The following CCDC33 variants were observed in gnomAD, a reference collection of about 807,000 sequenced individuals.
CCDC33 encodes coiled-coil domain containing 33, also known as coiled-coil domain-containing protein 33.
In CCDC33, 94 loss-of-function variants were observed where a neutral mutation model predicts 91.9. The ratio of observed to expected loss-of-function variants is 1.02; its 90% CI spans 0.87 to 1.21. The LOEUF is 1.21. Ranked by LOEUF, CCDC33 falls within the 50% of genes most tolerant of loss-of-function variation. The probability of loss-of-function intolerance (pLI) is 0.00; values close to 1 mark genes in which losing one functional copy is unlikely to be tolerated. For synonymous variants in CCDC33, 396 were observed against 374.5 expected (o/e 1.06, Z -0.66); for missense variants, 940 against 935.5 (o/e 1.00, Z -0.06).
intron 2 of CCDC33, among the ~76,000 whole-genome samples, chr15:74,223,891 C>A (rs989694904): frequency 6.6e-6 from 1 of 151,390 alleles, no homozygotes; most frequent in Non-Finnish European, 1.5e-5. Context: ...TGAGTAAACA[C>A]GATCATGGGG....
chr15:74,230,831 A>G (rs2074948049), intron 2 of CCDC33, among the ~76,000 whole-genome samples: 1 of 152,182 alleles, frequency 6.6e-6, no homozygotes, highest in Non-Finnish European at 1.5e-5. Flanking sequence ...CAGATGAGGA[A>G]TGGGAGGCTC....
At chr15:74,305,993 C>T (rs189901238) in intron 11 of CCDC33, among the ~76,000 whole-genome samples, 1 of 152,296 alleles carries the variant, frequency 6.6e-6, no homozygotes, top group African/African-American at 2.4e-5. Flanking sequence ...GCACTGGAAA[C>T]TGTAAAGGGC....
intron 1 of CCDC33, chr15:74,209,257 C>T: frequency 8.4e-7 from 1 of 1,189,906 alleles, no homozygotes. Context: ...ACTTGATCTC[C>T]TTGGCCCTCA....
chr15:74,298,135 T>C (rs1347025819), intron 11 of CCDC33, among the ~76,000 whole-genome samples: 2 of 152,172 alleles, frequency 1.3e-5, no homozygotes, highest in Admixed American at 6.5e-5. Flanking sequence ...GGTCATTAGG[T>C]CTGAGAGTCT....
At chr15:74,289,810 C>A (rs2059552197) in intron 10 of CCDC33, among the ~76,000 whole-genome samples, 1 of 152,196 alleles carries the variant, frequency 6.6e-6, no homozygotes, top group Non-Finnish European at 1.5e-5. Context: ...AAATGCCTCA[C>A]CAACCACAGA....
chr15:74,215,885 AAAAAG>A (rs1222693481), upstream of CCDC33, among the ~76,000 whole-genome samples: 5 of 147,424 alleles, frequency 3.4e-5, no homozygotes, highest in African/African-American at 7.8e-5. Flanking sequence ...AAAAAAAAAA[AAAAAG>A]AAAGAAAGAA....
intron 11 of CCDC33, among the ~76,000 whole-genome samples, chr15:74,321,848 T>G (rs1205884833): frequency 6.6e-6 from 1 of 152,080 alleles, no homozygotes; most frequent in Non-Finnish European, 1.5e-5. Context: ...CCTGAGTAAG[T>G]CAGGGAGGCA....
intron 1 of CCDC33, 139 bp from the exon 2 acceptor site, chr15:74,243,846 G>A (rs1189309994): frequency 7.7e-6 from 7 of 904,460 alleles, no homozygotes; most frequent in Admixed American, 1.9e-5. Flanking sequence ...TGTGGAGGCT[G>A]AGGCAGGAGA....
At chr15:74,328,729 A>G (rs1406316915) in intron 11 of CCDC33, among the ~76,000 whole-genome samples, 1 of 152,194 alleles carries the variant, frequency 6.6e-6, no homozygotes, top group Non-Finnish European at 1.5e-5. Context: ...CCTGCTCTCG[A>G]AGCCATGGCC....
intron 5 of CCDC33, among the ~76,000 whole-genome samples, chr15:74,269,342 C>G (rs2076253858): frequency 1.3e-5 from 2 of 152,176 alleles, no homozygotes; most frequent in Non-Finnish European, 2.9e-5. Flanking sequence ...GTGGGCCTGG[C>G]AGGGAAGGAA....
intron 3 of CCDC33, among the ~76,000 whole-genome samples, chr15:74,264,586 T>C (rs867504610): frequency 6.6e-6 from 1 of 152,088 alleles, no homozygotes; most frequent in Non-Finnish European, 1.5e-5. Flanking sequence ...CCATGGCGAG[T>C]TGGCATAAGG....
At chr15:74,300,667 C>A (rs2059777003) in intron 11 of CCDC33, 1 of 152,230 alleles carries the variant, frequency 6.6e-6, no homozygotes, top group African/African-American at 2.4e-5. Flanking sequence ...GATCCGACTT[C>A]AGCTTAATAG....
intron 11 of CCDC33, among the ~76,000 whole-genome samples, chr15:74,309,117 C>T (rs2059944961): frequency 6.6e-6 from 1 of 152,146 alleles, no homozygotes; most frequent in Non-Finnish European, 1.5e-5. Context: ...GTGACCTGTC[C>T]CAAGCCCAAA....
At chr15:74,296,432 C>T (rs530510030) in intron 11 of CCDC33, among the ~76,000 whole-genome samples, 183 of 152,218 alleles carry the variant, frequency 1.2e-3, no homozygotes, top group African/African-American at 4.2e-3. Flanking sequence ...CGAGACCAGC[C>T]TGACCTACAT....
chr15:74,275,765 G>A (rs2076433231), intron 7 of CCDC33, among the ~76,000 whole-genome samples: 1 of 152,082 alleles, frequency 6.6e-6, no homozygotes, highest in African/African-American at 2.4e-5. Flanking sequence ...TGCCTCCTGG[G>A]TTCAAGCAAT....
intron 2 of CCDC33, among the ~76,000 whole-genome samples, chr15:74,255,217 C>CCCT (rs2075825076): frequency 6.6e-6 from 1 of 152,160 alleles, no homozygotes. Flanking sequence ...TCCTCATCCT[C>CCCT]CCTCCTTCTC....
chr15:74,250,918 CA>C (rs2075688316), intron 2 of CCDC33, among the ~76,000 whole-genome samples: 1 of 152,174 alleles, frequency 6.6e-6, no homozygotes, highest in African/African-American at 2.4e-5. Context: ...TAAAGCTCTA[CA>C]GGGGGAAGGG....
intron 10 of CCDC33, among the ~76,000 whole-genome samples, chr15:74,282,494 C>G (rs1021860278): frequency 2.6e-5 from 4 of 152,206 alleles, no homozygotes; most frequent in African/African-American, 9.6e-5. Context: ...CTGACTTCCT[C>G]TTCTGTCAGC....
chr15:74,273,513 G>A (rs938450000), intron 7 of CCDC33, among the ~76,000 whole-genome samples: 4 of 152,224 alleles, frequency 2.6e-5, no homozygotes, highest in African/African-American at 9.6e-5. Context: ...TTGTCTCCCA[G>A]GCTGGAGTGC....
Sources: allele counts gnomAD v4.1 joint callset (sites outside exome capture counted in the v4.1 genomes callset), GRCh38; gene constraint gnomAD v4.1.1; transcripts MANE v1.5; gene names NCBI Gene and HGNC (gene_info 2026-07-23, HGNC 2026-07-21).